SLC26A9: variants seen among roughly 807,000 people sequenced by gnomAD.
SLC26A9 encodes the protein anion transporter/exchanger protein 9.
SLC26A9 carries 46 observed loss-of-function variants against 87.1 expected under a neutral mutation model. That is an observed-to-expected ratio of 0.53 (90% CI 0.42 to 0.67). The LOEUF (loss-of-function observed/expected upper bound fraction) is 0.67, where lower values mean the gene tolerates loss of function less well. SLC26A9 is among the 30% of genes least tolerant of loss of function. The pLI is 0.00. For missense variants in SLC26A9, 927 were observed against 1,018.3 expected, an observed-to-expected ratio of 0.91 and a Z score of 1.22; for synonymous variants, 437 against 409.1, an observed-to-expected ratio of 1.07 and a Z score of -0.82.
At chr1:205,931,770 T>C (rs1176074151) in intron 5 of SLC26A9, 90 bp downstream of exon 5, 2 of 1,496,160 alleles carry the variant, frequency 1.3e-6, no homozygotes, top group Non-Finnish European at 1.8e-6. Context: ...CCCAGCCCCC[T>C]AAATCAGATT....
At position 205,919,277 on chromosome 1, in the gene SLC26A9, C is replaced by G. The variant is rs547184388; in HGVS notation, c.2111-292G>C. Among the ~76,000 whole-genome samples, 34 of 152,262 alleles carry G rather than the reference C, an allele frequency of 2.2e-4. No individual in the cohort carries two copies. The South Asian group carries it at 7.1e-3, about 32-fold the overall frequency. Reference sequence around the variant, plus strand: ...AAGCCTAAGCCATCCTTGAAGAGGCCGCTGCCAGTTCTATCCCCCAAGGAC... The same window carrying G: ...AAGCCTAAGCCATCCTTGAAGAGGCGGCTGCCAGTTCTATCCCCCAAGGAC... On this transcript the variant is annotated intron_variant, in intron 18 of 20. Transcript: ENST00000367135.
intron 1 of SLC26A9, among the ~76,000 whole-genome samples, chr1:205,936,721 G>A (rs1205290853): frequency 6.6e-6 from 1 of 152,146 alleles, no homozygotes; most frequent in Admixed American, 6.5e-5. Context: ...GATGGGGAAG[G>A]CTTAGAGTGA....
chr1:205,920,135 C>T, intron 18 of SLC26A9, 41 bp downstream of exon 18: 1 of 1,612,278 alleles, frequency 6.2e-7, no homozygotes, highest in East Asian at 2.2e-5. Context: ...CCCCACACTC[C>T]TTGCCAGTCT....
chr1:205,926,495 C>T, intron 12 of SLC26A9, 40 bp downstream of exon 12: 3 of 1,536,044 alleles, frequency 2.0e-6, no homozygotes, highest in Non-Finnish European at 2.7e-6. Flanking sequence ...GAGGAGAGGG[C>T]AGGGGCATGG....
At chr1:205,941,712 G>C (rs1659753691) in intron 1 of SLC26A9, among the ~76,000 whole-genome samples, 1 of 152,202 alleles carries the variant, frequency 6.6e-6, no homozygotes, top group Admixed American at 6.5e-5. Flanking sequence ...TGCTGGGAAT[G>C]GGTGCTGGGC....
At chr1:205,928,995 G>A in intron 7 of SLC26A9, 86 bp from the exon 8 acceptor site, 1 of 1,541,682 alleles carries the variant, frequency 6.5e-7, no homozygotes, top group Non-Finnish European at 8.9e-7. Flanking sequence ...TTTCTCTGGG[G>A]ACCCTGAATC....
chr1:205,915,383 G>C lies in SLC26A9; in HGVS notation c.2350C>G (p.His784Asp). 1.2e-6 allele frequency: 2 copies of C among 1,614,122 alleles called. No homozygotes were observed. Among genetic ancestry groups the C allele is most frequent in the East Asian group, 4.5e-5 (2 of 44,884 alleles). ...CACAGGGCGGTCAGGGTCTCTGCGT[G>C]AAACATGCTCCCGAACATCTCCTGC... ...LEQEMFGSMF[H>D]AETLTAL Residue 784 changes from histidine (H) to aspartate (D), a missense_variant, in exon 21 of 21, where the codon CAC (histidine) becomes GAC (aspartate). Transcript: ENST00000367135.
intron 1 of SLC26A9, among the ~76,000 whole-genome samples, chr1:205,942,078 C>T (rs1191206109): frequency 2.6e-5 from 4 of 152,318 alleles, no homozygotes; most frequent in South Asian, 4.1e-4. Flanking sequence ...AGCAAGTTCA[C>T]GGGGGTCAGT....
rs144629191 is a variant in SLC26A9 at position 205,939,720 on chromosome 1, A to C, written c.-19+3645T>G. Among the ~76,000 whole-genome samples the C allele has an allele frequency of 7.9e-3, 1,205 of 152,210 alleles. 14 individuals carry two copies. Among genetic ancestry groups the C allele is most frequent in the African/African-American group, 0.028 (1,148 of 41,522 alleles). On this transcript the variant is annotated intron_variant, in intron 1 of 20. Coordinates refer to ENST00000367135, the MANE Select transcript of SLC26A9 (RefSeq NM_052934.4). Reference sequence around the variant, plus strand: ...GATGGGAGTCCCAGGGAATCCTCAGAGAGGGTGTCTCACGATGCCAGATGC... The same window carrying C: ...GATGGGAGTCCCAGGGAATCCTCAGCGAGGGTGTCTCACGATGCCAGATGC...
chr1:205,914,646 G>C lies in SLC26A9; in HGVS notation c.*711C>G, dbSNP rs973310238. On this transcript the variant is annotated 3_prime_UTR_variant, in exon 21 of 21. Coordinates refer to ENST00000367135, the MANE Select transcript of SLC26A9 (RefSeq NM_052934.4). ...AGGAGGCTGAGGCAGAACCTTAGTG[G>C]GCTGTCCCCGGGGAGGTAGCTCTGG... The C allele has an allele frequency of 1.1e-5, 5 of 474,292 alleles. No homozygotes were observed. Among genetic ancestry groups the C allele is most frequent in the Non-Finnish European group, 1.9e-5 (5 of 268,768 alleles). 29.4% of individuals were successfully genotyped at this position (474,292 alleles called of 1,614,324 possible).
At chr1:205,941,328 C>T (rs2102609590) in intron 1 of SLC26A9, among the ~76,000 whole-genome samples, 1 of 152,140 alleles carries the variant, frequency 6.6e-6, no homozygotes, top group Non-Finnish European at 1.5e-5. Flanking sequence ...GCCATGACAC[C>T]CAGCTAATAT....
At chr1:205,936,201 C>T (rs1659503781) in intron 1 of SLC26A9, among the ~76,000 whole-genome samples, 2 of 152,186 alleles carry the variant, frequency 1.3e-5, no homozygotes, top group South Asian at 2.1e-4. Context: ...CTCCCCTGAC[C>T]CCTGGTGTCC....
chr1:205,926,744 C>T, intron 11 of SLC26A9, 114 bp from the exon 12 acceptor site: 2 of 823,656 alleles, frequency 2.4e-6, no homozygotes, highest in African/African-American at 1.7e-5. Flanking sequence ...GGAACACCTC[C>T]CCTGGCTGAT....
intron 1 of SLC26A9, 35 bp from the exon 2 acceptor site, chr1:205,935,873 A>T (rs1192969880): frequency 9.5e-6 from 15 of 1,587,252 alleles, no homozygotes; most frequent in African/African-American, 1.3e-5. Flanking sequence ...GGGTGAGGGA[A>T]CATCCCTCCC....
At chr1:205,928,128 G>A (rs891582081) in intron 8 of SLC26A9, 79 bp from the exon 9 acceptor site, 2 of 1,513,530 alleles carry the variant, frequency 1.3e-6, no homozygotes, top group Non-Finnish European at 1.8e-6. Flanking sequence ...AGCCCACAGG[G>A]ACCAGCCAGG....
intron 1 of SLC26A9, among the ~76,000 whole-genome samples, chr1:205,939,020 G>A (rs563820009): frequency 6.6e-6 from 1 of 152,134 alleles, no homozygotes; most frequent in Non-Finnish European, 1.5e-5. Context: ...AGCCTCCCTT[G>A]CTTTACTGGA....
chr1:205,932,002 T>C lies in SLC26A9; in HGVS notation c.410A>G (p.Asn137Ser), dbSNP rs1185672159. 6.2e-7 allele frequency: 1 copy of C among 1,614,180 alleles called. No individual in the cohort carries two copies. Among genetic ancestry groups the C allele is most frequent in the Non-Finnish European group, 8.5e-7 (1 of 1,180,004 alleles). ...CTCTGGGGCCAGCTGCAGACAGATG[T>C]TACCCACCAGGATGCTGATAACGGC... Reference protein sequence around the residue: ...TFAVISILVGNICLQLAPESK... With the variant: ...TFAVISILVGSICLQLAPESK... The change falls in exon 5 of 21, where the codon AAC (asparagine) becomes AGC (serine). Residue 137 changes from asparagine (N) to serine (S), a missense_variant. Transcript: ENST00000367135.
intron 5 of SLC26A9, 43 bp downstream of exon 5, chr1:205,931,817 T>G (rs1571750422): frequency 6.3e-7 from 1 of 1,584,514 alleles, no homozygotes; most frequent in Non-Finnish European, 8.6e-7. Context: ...AGGGGCAGGG[T>G]GGTCTGATGC....
At chr1:205,919,186 T>C (rs1658719651) in intron 18 of SLC26A9, among the ~76,000 whole-genome samples, 1 of 152,192 alleles carries the variant, frequency 6.6e-6, no homozygotes, top group Non-Finnish European at 1.5e-5. Flanking sequence ...TGCTGAAGTT[T>C]CAACCCAGAG....
Sources: gnomAD v4.1 joint callset for allele counts (sites outside exome capture counted in the v4.1 genomes callset) on GRCh38, gnomAD v4.1.1 for gene constraint, MANE v1.5 for transcripts, NCBI Gene and HGNC (gene_info 2026-07-23, HGNC 2026-07-21) for gene names.